The following ZDHHC23 variants were observed in gnomAD, a reference collection of about 807,000 sequenced individuals.
ZDHHC23 encodes palmitoyltransferase ZDHHC23.
In ZDHHC23, 41 loss-of-function variants were observed where a neutral mutation model predicts 40.2. The ratio of observed to expected loss-of-function variants is 1.02; its 90% CI spans 0.79 to 1.32. ZDHHC23 has a LOEUF of 1.32. Ranked by LOEUF, ZDHHC23 falls within the 40% of genes most tolerant of loss-of-function variation. The pLI, the probability that ZDHHC23 is intolerant of heterozygous loss-of-function variation, is 0.00. For missense variants in ZDHHC23, 471 were observed against 541.5 expected (o/e 0.87, Z 1.29); for synonymous variants, 204 against 210.2 (o/e 0.97, Z 0.26).
downstream of ZDHHC23, among the ~76,000 whole-genome samples, chr3:113,968,765 A>AT (rs1940493067): frequency 2.6e-5 from 4 of 151,806 alleles, no homozygotes; most frequent in Admixed American, 2.6e-4. Context: ...GGACTTGCCC[A>AT]TTTTTAAATT....
At chr3:113,955,391 T>TGTGCGCGCGCGTGTGTGTGCGCGC (rs58421915) in intron 3 of ZDHHC23, among the ~76,000 whole-genome samples, 1 of 149,060 alleles carries the variant, frequency 6.7e-6, no homozygotes, top group African/African-American at 2.5e-5. Context: ...TGTGTGTGTG[T>TGTGCGCGCGCGTGTGTGTGCGCGC]GCGTGTGTGT....
intron 2 of ZDHHC23, among the ~76,000 whole-genome samples, chr3:113,950,139 C>G: frequency 6.6e-6 from 1 of 152,180 alleles, no homozygotes; most frequent in East Asian, 1.9e-4. Flanking sequence ...CTCTGTGTTT[C>G]CACCGTGCCT....
At chr3:113,949,591 G>T (rs1449386309) in intron 2 of ZDHHC23, among the ~76,000 whole-genome samples, 2 of 152,184 alleles carry the variant, frequency 1.3e-5, no homozygotes, top group African/African-American at 4.8e-5. Context: ...TAACATCACT[G>T]AAAAAATTTG....
At position 113,958,359 on chromosome 3, in the gene ZDHHC23, C is replaced by T; in HGVS notation, c.1041-4C>T. The T allele has an allele frequency of 6.2e-7, 1 of 1,603,712 alleles. No individual in the cohort carries two copies. Among genetic ancestry groups the T allele is most frequent in the Non-Finnish European group, 8.5e-7 (1 of 1,172,034 alleles). The stretch of plus-strand genomic sequence containing the variant: ...AGCCCTGACAGCCTTTTTCCCTCTC[C>T]TAGCTCGGCTCTGTCCTTCACCTGC... On this transcript the variant is annotated splice_polypyrimidine_tract_variant and splice_region_variant and intron_variant, in intron 4 of 4. Coordinates refer to ENST00000638807, the MANE Select transcript of ZDHHC23 (RefSeq NM_001320466.2).
At chr3:113,952,208 C>G (rs1938741216) in intron 2 of ZDHHC23, among the ~76,000 whole-genome samples, 1 of 152,146 alleles carries the variant, frequency 6.6e-6, no homozygotes, top group Non-Finnish European at 1.5e-5. Flanking sequence ...ACCCTGAACA[C>G]TTTGCTTAGA....
chr3:113,976,745 T>C, the ZDHHC23 span, among the ~76,000 whole-genome samples: 1 of 152,046 alleles, frequency 6.6e-6, no homozygotes, highest in Admixed American at 6.6e-5. Flanking sequence ...GATAGATAGA[T>C]AGGTTCTGTT....
In ZDHHC23 at chr3:113,960,832, G is replaced by C. The variant is rs1184829101; in HGVS notation, c.*2202G>C. On this transcript the variant is annotated 3_prime_UTR_variant, in exon 5 of 5. Transcript: ENST00000638807. ...TGTTTTAAGTTCCTTGAGAACCCAT[G>C]ATGGACAGTTGACAGAATGCTTAAA... The C allele has an allele frequency of 6.7e-7, 1 of 1,484,040 alleles. No individual in the cohort carries two copies. Among genetic ancestry groups the C allele is most frequent in the African/African-American group, 1.5e-5 (1 of 68,508 alleles). The allele number at this position is 1,484,040 out of a possible 1,614,324, so 91.9% of individuals were successfully genotyped here.
At position 113,958,777 on chromosome 3, in the gene ZDHHC23, T is replaced by C. The variant is rs1378575575; in HGVS notation, c.*147T>C. 13 of 1,546,382 alleles carry C rather than the reference T, an allele frequency of 8.4e-6. No individual in the cohort carries two copies. Among genetic ancestry groups the C allele is most frequent in the African/African-American group, 1.3e-5 (1 of 74,196 alleles). On this transcript the variant is annotated 3_prime_UTR_variant, in exon 5 of 5. Coordinates refer to ENST00000638807, the MANE Select transcript of ZDHHC23 (RefSeq NM_001320466.2). Reference sequence around the variant, plus strand: ...TTTAGAGACTGGAGTGGGAAGAAGTTAATTTTTCTGACGCCACAACTTAAG... The same window carrying C: ...TTTAGAGACTGGAGTGGGAAGAAGTCAATTTTTCTGACGCCACAACTTAAG...
rs967869764 is a variant in ZDHHC23 at position 113,961,389 on chromosome 3, A to G, written c.*2759A>G. On this transcript the variant is annotated 3_prime_UTR_variant, in exon 5 of 5. Coordinates refer to ENST00000638807, the MANE Select transcript of ZDHHC23 (RefSeq NM_001320466.2). ...CCGATTTGAAAGATTCAAGGGAGAA[A>G]GATTAAGGATCAGGATTGCATGAAA... 1 of 152,614 alleles carries G rather than the reference A, an allele frequency of 6.6e-6. No individual in the cohort carries two copies. The highest frequency in any genetic ancestry group is 1.5e-5 in the Non-Finnish European group (1 of 68,068). 9.5% of individuals were successfully genotyped at this position (152,614 alleles called of 1,614,324 possible).
At chr3:113,956,651 C>A in intron 4 of ZDHHC23, 145 bp downstream of exon 4, 2 of 792,606 alleles carry the variant, frequency 2.5e-6, no homozygotes, top group Non-Finnish European at 3.8e-6. Context: ...GAATTGCCAG[C>A]AAAATTGTGC....
chr3:113,967,570 G>T (rs1940338421), downstream of ZDHHC23, among the ~76,000 whole-genome samples: 1 of 152,120 alleles, frequency 6.6e-6, no homozygotes, highest in African/African-American at 2.4e-5. Flanking sequence ...TTCATGTAAT[G>T]TGTAAAGATC....
At chr3:113,949,073 C>T (rs1325809829) in intron 2 of ZDHHC23, 110 bp downstream of exon 2, 1 of 1,417,236 alleles carries the variant, frequency 7.1e-7, no homozygotes, top group Non-Finnish European at 9.6e-7. Context: ...GATTCTATTT[C>T]CAAGCATCTA....
chr3:113,951,011 G>A (rs1050113349), intron 2 of ZDHHC23, among the ~76,000 whole-genome samples: 1 of 152,220 alleles, frequency 6.6e-6, no homozygotes, highest in Non-Finnish European at 1.5e-5. Flanking sequence ...TGGACACACT[G>A]GGTTGGCGGT....
chr3:113,957,252 C>T (rs920515569), intron 4 of ZDHHC23, among the ~76,000 whole-genome samples: 6 of 152,152 alleles, frequency 3.9e-5, no homozygotes, highest in African/African-American at 1.4e-4. Flanking sequence ...GTGGTTTGGC[C>T]CTTTTCTTTA....
intron 2 of ZDHHC23, among the ~76,000 whole-genome samples, chr3:113,952,094 G>A (rs777750620): frequency 6.6e-6 from 1 of 151,840 alleles, no homozygotes; most frequent in Non-Finnish European, 1.5e-5. Context: ...CTGAGATCGC[G>A]CCATTGCACT....
At chr3:113,968,652 G>A (rs559707549), downstream of ZDHHC23, among the ~76,000 whole-genome samples, 5 of 151,526 alleles carry the variant, frequency 3.3e-5, no homozygotes, top group South Asian at 1.0e-3. Flanking sequence ...TAGAGATGGG[G>A]TTTTGCCATG....
rs906990833 is a variant in ZDHHC23, at chr3:113,959,416, T to C, written c.*786T>C. The C allele has an allele frequency of 2.5e-6, 3 of 1,215,750 alleles. No homozygotes were observed. 75.3% of individuals were successfully genotyped at this position (1,215,750 alleles called of 1,614,324 possible). A position where few individuals can be genotyped will look rare whatever the true frequency, so the allele number is the denominator to read the frequency against. On this transcript the variant is annotated 3_prime_UTR_variant, in exon 5 of 5. Coordinates refer to ENST00000638807, the MANE Select transcript of ZDHHC23 (RefSeq NM_001320466.2). ...GTGTAATGTAGTGTGGCCATGAGTTTAGGTGATGAGTTCTTCTATTTATAT... is the reference window on the plus strand; with the variant it reads ...GTGTAATGTAGTGTGGCCATGAGTTCAGGTGATGAGTTCTTCTATTTATAT...
At chr3:113,966,240 C>G (rs1940155946), downstream of ZDHHC23, among the ~76,000 whole-genome samples, 1 of 152,122 alleles carries the variant, frequency 6.6e-6, no homozygotes, top group Non-Finnish European at 1.5e-5. Flanking sequence ...GAAAAAATAC[C>G]CTAACATCAG....
the ZDHHC23 span, among the ~76,000 whole-genome samples, chr3:113,976,975 T>C: frequency 6.6e-6 from 1 of 152,216 alleles, no homozygotes; most frequent in African/African-American, 2.4e-5. Flanking sequence ...TTCCAGTATC[T>C]GTGAATTAAA....
Sources: allele counts gnomAD v4.1 joint callset (sites outside exome capture counted in the v4.1 genomes callset), GRCh38; gene constraint gnomAD v4.1.1; transcripts MANE v1.5; gene names NCBI Gene and HGNC (gene_info 2026-07-23, HGNC 2026-07-21).